The following CACNB4 variants were observed in gnomAD, a reference collection of about 807,000 sequenced individuals.
CACNB4 encodes the protein calcium voltage-gated channel auxiliary subunit beta 4, also known as voltage-dependent L-type calcium channel subunit beta-4.
In CACNB4, 32 loss-of-function variants were observed where a neutral mutation model predicts 71.2. The ratio of observed to expected loss-of-function variants is 0.45; its 90% CI spans 0.34 to 0.60. The LOEUF (loss-of-function observed/expected upper bound fraction) is 0.60. Ranked by LOEUF, CACNB4 falls within the 20% of genes least tolerant of loss-of-function variation. CACNB4 has a pLI of 0.01. For synonymous variants in CACNB4, 231 were observed against 236.9 expected (o/e 0.97, Z 0.23); for missense variants, 464 against 647.9 (o/e 0.72, Z 3.08).
chr2:151,914,581 T>A (rs2099857000), intron 2 of CACNB4, among the ~76,000 whole-genome samples: 1 of 152,228 alleles, frequency 6.6e-6, no homozygotes, highest in Non-Finnish European at 1.5e-5. Context: ...GCATTTTTCA[T>A]TGATTCTTTC....
At chr2:151,867,603 A>G (rs370330360) in intron 9 of CACNB4, 2 of 152,160 alleles carry the variant, frequency 1.3e-5, no homozygotes, top group African/African-American at 2.4e-5. Context: ...GAACAAATAC[A>G]TCTTTCTTAT....
At chr2:151,921,225 A>C (rs1236068046) in intron 2 of CACNB4, among the ~76,000 whole-genome samples, 2 of 151,982 alleles carry the variant, frequency 1.3e-5, no homozygotes, top group African/African-American at 4.8e-5. Flanking sequence ...TAGGAATTTG[A>C]GAGCTTCACA....
intron 2 of CACNB4, among the ~76,000 whole-genome samples, chr2:152,022,138 T>C (rs1201622787): frequency 6.6e-6 from 1 of 152,220 alleles, no homozygotes; most frequent in Non-Finnish European, 1.5e-5. Context: ...AATCGGCTTA[T>C]TGCCTATTAC....
chr2:151,995,240 A>C (rs1198187665), intron 2 of CACNB4, among the ~76,000 whole-genome samples: 2 of 150,006 alleles, frequency 1.3e-5, no homozygotes, highest in Non-Finnish European at 2.9e-5. Flanking sequence ...ATATGACAAA[A>C]ATAAAAATGT....
intron 2 of CACNB4, among the ~76,000 whole-genome samples, chr2:152,061,065 T>C (rs1474369357): frequency 4.6e-5 from 7 of 152,318 alleles, no homozygotes; most frequent in Admixed American, 3.3e-4. Flanking sequence ...CCCAACGTTT[T>C]GGGAGGCTCA....
chr2:151,870,567 C>T lies in CACNB4; in HGVS notation c.663G>A (p.Pro221=), dbSNP rs556493774. 1.5e-5 allele frequency: 24 copies of T among 1,613,856 alleles called. No individual in the cohort carries two copies. The highest frequency in any genetic ancestry group is 5.5e-5 in the South Asian group (5 of 91,054). The change falls in exon 8 of 14, where the codon CCG becomes CCA. Residue 221 remains proline, a synonymous_variant. Coordinates refer to ENST00000539935, the MANE Select transcript of CACNB4 (RefSeq NM_000726.5). ...TCAGTGACGGCCCCACTAACACCACCGGACGCATTGACGGTACAACATCGT... is the reference window on the plus strand; with the variant it reads ...TCAGTGACGGCCCCACTAACACCACTGGACGCATTGACGGTACAACATCGT... ...PPYDVVPSMR[P]VVLVGPSLKG... is the part of the protein sequence containing the mutation.
chr2:152,030,237 G>C (rs1037954304), intron 2 of CACNB4, among the ~76,000 whole-genome samples: 1 of 151,930 alleles, frequency 6.6e-6, no homozygotes, highest in East Asian at 1.9e-4. Context: ...AACACTGTAG[G>C]ACATGTTTGT....
At position 152,098,615 on chromosome 2, in the gene CACNB4, G is replaced by A. The variant is rs906200523; in HGVS notation, c.64-202C>T. ...AGCCTCGACTGCTGAAAAGATGCTC[G>A]AGAAGAGCAGCCCGCAAGCACCCAC... On this transcript the variant is annotated intron_variant, in intron 1 of 13. Coordinates refer to ENST00000539935, the MANE Select transcript of CACNB4 (RefSeq NM_000726.5). This position sits in a 1 kb window ranked among gnomAD's most constrained non-coding sequence, Gnocchi z 5.3. 7.6e-5 allele frequency: 110 copies of A among 1,442,432 alleles called. No homozygotes were observed. The highest frequency in any genetic ancestry group is 1.0e-4 in the Non-Finnish European group (106 of 1,045,774). 89.4% of individuals were successfully genotyped at this position (1,442,432 alleles called of 1,614,324 possible).
chr2:151,847,099 C>CAAAAAAAAAAAAAA (rs397766580), intron 12 of CACNB4, among the ~76,000 whole-genome samples: 3 of 79,766 alleles, frequency 3.8e-5, no homozygotes, highest in Non-Finnish European at 7.9e-5. Context: ...AAACTGACAC[C>CAAAAAAAAAAAAAA]AAAAAAAAAA....
intron 7 of CACNB4, 88 bp from the exon 8 acceptor site, chr2:151,870,699 G>C: frequency 7.7e-7 from 1 of 1,299,656 alleles, no homozygotes. Context: ...TAATTCTCAG[G>C]TTGAACGACA....
chr2:152,093,707 G>A (rs1241649169), intron 2 of CACNB4, among the ~76,000 whole-genome samples: 1 of 152,146 alleles, frequency 6.6e-6, no homozygotes, highest in African/African-American at 2.4e-5. Context: ...AAAAGCTCTA[G>A]TTGAGTTCTC....
chr2:152,026,718 T>C (rs186670768), intron 2 of CACNB4, among the ~76,000 whole-genome samples: 1 of 152,164 alleles, frequency 6.6e-6, no homozygotes, highest in African/African-American at 2.4e-5. Context: ...AGAAGAATTG[T>C]CCATATTAAC....
In CACNB4 at chr2:152,018,806, AACACACACACACACACACAC is replaced by A. The variant is rs10600477; in HGVS notation, c.147+79504_147+79523del. Among the ~76,000 whole-genome samples, 3 of 146,568 alleles carry A rather than the reference AACACACACACACACACACAC, an allele frequency of 2.0e-5. No homozygotes were observed. In the Admixed American group the frequency reaches 2.1e-4, roughly 10 times the overall value. ...GCAACATAGTAAGACCCTGTCTCAA[AACACACACACACACACACAC>A]ACACACACACACAGACAAAGGTATC... On this transcript the variant is annotated intron_variant, in intron 2 of 13. Transcript: ENST00000539935.
chr2:152,080,719 T>C (rs1428218172), intron 2 of CACNB4, among the ~76,000 whole-genome samples: 3 of 152,200 alleles, frequency 2.0e-5, no homozygotes, highest in Non-Finnish European at 4.4e-5. Context: ...AATCTCATGT[T>C]GAAATGTGAT....
chr2:151,883,238 GA>G lies in CACNB4; in HGVS notation c.267+12del, dbSNP rs750563187. 5.6e-5 allele frequency: 91 copies of G among 1,613,810 alleles called. No homozygotes were observed. The Middle Eastern group carries it at 8.3e-4, about 15-fold the overall frequency. ...GACCCACTTTTGAGCCAAAGAGAAG[GA>G]AAGAGACTCACCTTTGCTCTCTCAA... is the stretch of plus-strand genomic sequence containing the variant. On this transcript the variant is annotated intron_variant, in intron 3 of 13. Transcript: ENST00000539935.
chr2:151,963,311 CAAA>C (rs71410446), intron 2 of CACNB4, among the ~76,000 whole-genome samples: 15 of 60,376 alleles, frequency 2.5e-4, no homozygotes, highest in African/African-American at 7.3e-4. Flanking sequence ...GACACCGTCT[CAAA>C]AAAAAAAAAA....
chr2:151,862,846 T>G (rs1291022391), intron 9 of CACNB4, among the ~76,000 whole-genome samples: 1 of 152,156 alleles, frequency 6.6e-6, no homozygotes, highest in African/African-American at 2.4e-5. Flanking sequence ...AGTTCAGTGT[T>G]CTACAAGCCC....
chr2:151,947,936 G>A (rs1297744192), intron 2 of CACNB4, among the ~76,000 whole-genome samples: 1 of 152,198 alleles, frequency 6.6e-6, no homozygotes, highest in Non-Finnish European at 1.5e-5. Context: ...CTTGGCCGAG[G>A]CTGCCGGAGG....
intron 2 of CACNB4, among the ~76,000 whole-genome samples, chr2:151,945,081 T>C (rs1041688466): frequency 6.6e-6 from 1 of 152,198 alleles, no homozygotes; most frequent in African/African-American, 2.4e-5. Context: ...CAGTAGAACT[T>C]CCAGTAAATA....
Sources: allele counts gnomAD v4.1 joint callset (sites outside exome capture counted in the v4.1 genomes callset), GRCh38; gene constraint gnomAD v4.1.1; non-coding constraint Gnocchi (gnomAD v3.1); transcripts MANE v1.5; gene names NCBI Gene and HGNC (gene_info 2026-07-23, HGNC 2026-07-21).